Variants in PRKG1 observed in about 807,000 individuals in gnomAD.
PRKG1 encodes protein kinase cGMP-dependent 1, also known as cGMP-dependent protein kinase 1.
A neutral mutation model predicts 88.1 loss-of-function variants in PRKG1; 35 were observed. That is an observed-to-expected ratio of 0.40 (90% CI 0.30 to 0.53). The LOEUF (loss-of-function observed/expected upper bound fraction) is 0.53, where lower values mean the gene tolerates loss of function less well. Among genes scored for constraint, PRKG1 ranks in the 20% least tolerant of loss-of-function variants. PRKG1 has a pLI of 0.59. For synonymous variants in PRKG1, 303 were observed against 292.5 expected, an observed-to-expected ratio of 1.04 and a Z score of -0.37; for missense variants, 540 against 839.8, an observed-to-expected ratio of 0.64 and a Z score of 4.41.
chr10:52,087,180 C>A lies in PRKG1; in HGVS notation c.935+24549C>A, dbSNP rs543130450. On this transcript the variant is annotated intron_variant, in intron 7 of 17. Coordinates refer to ENST00000373980, the MANE Select transcript of PRKG1 (RefSeq NM_006258.4). ...CAGCAACGTATGAGGGGATTTGTTC[C>A]GTAAAGCCTTGCAAATAGGGTATCT... Among the ~76,000 whole-genome samples, 6 of 152,224 alleles carry A rather than the reference C, an allele frequency of 3.9e-5. No individual in the cohort carries two copies. In the South Asian group the frequency reaches 1.2e-3, roughly 32 times the overall value.
intron 5 of PRKG1, among the ~76,000 whole-genome samples, chr10:51,971,602 GTAAT>G (rs1488096816): frequency 2.6e-5 from 4 of 152,010 alleles, no homozygotes; most frequent in Non-Finnish European, 5.9e-5. Flanking sequence ...AGCTATATGA[GTAAT>G]TACTTCAGTC....
intron 10 of PRKG1, among the ~76,000 whole-genome samples, chr10:52,267,306 C>T (rs1016402726): frequency 1.3e-5 from 2 of 151,876 alleles, no homozygotes; most frequent in Non-Finnish European, 2.9e-5. Flanking sequence ...TGGTTCAGCC[C>T]CAGACCTCAA....
At chr10:52,079,001 G>A (rs4935027) in intron 7 of PRKG1, among the ~76,000 whole-genome samples, 62,930 of 152,058 alleles carry the variant, frequency 0.41, 13,760 homozygotes, top group East Asian at 0.62. Context: ...TGGGAGAATA[G>A]CCTCTACTGG....
chr10:51,345,229 G>A (rs1175853593), intron 2 of PRKG1, among the ~76,000 whole-genome samples: 2 of 152,030 alleles, frequency 1.3e-5, no homozygotes, highest in Non-Finnish European at 2.9e-5. Context: ...CAAATTCTTT[G>A]CTGATGAGAA....
At chr10:51,424,557 T>A (rs1025674349) in intron 2 of PRKG1, among the ~76,000 whole-genome samples, 1 of 152,174 alleles carries the variant, frequency 6.6e-6, no homozygotes, top group African/African-American at 2.4e-5. Context: ...ATTATATCCA[T>A]GTGATCATGT....
At chr10:52,291,880 G>C (rs1009181225) in intron 17 of PRKG1, among the ~76,000 whole-genome samples, 3 of 152,068 alleles carry the variant, frequency 2.0e-5, no homozygotes, top group African/African-American at 7.2e-5. Flanking sequence ...CAGTGTAAAA[G>C]TGTTCCTATT....
intron 4 of PRKG1, among the ~76,000 whole-genome samples, chr10:51,897,652 G>A (rs1311739969): frequency 6.6e-6 from 1 of 152,050 alleles, no homozygotes; most frequent in Non-Finnish European, 1.5e-5. Flanking sequence ...AGCCATCCTT[G>A]TCTCTTCTCT....
chr10:51,130,124 G>A (rs1444315715), intron 1 of PRKG1, among the ~76,000 whole-genome samples: 1 of 152,126 alleles, frequency 6.6e-6, no homozygotes, highest in African/African-American at 2.4e-5. Context: ...AGTAAATCAG[G>A]GCTTTAGTTA....
chr10:51,532,173 T>C (rs1262873094), intron 3 of PRKG1, among the ~76,000 whole-genome samples: 1 of 152,196 alleles, frequency 6.6e-6, no homozygotes, highest in Non-Finnish European at 1.5e-5. Context: ...TTCAACTGGT[T>C]GACAGCTCTT....
At position 51,181,811 on chromosome 10, in the gene PRKG1, G is replaced by A. The variant is rs368140670; in HGVS notation, c.478+28481G>A. 8.5e-5 allele frequency among the ~76,000 whole-genome samples: 13 copies of A among 152,296 alleles called. No individual in the cohort carries two copies. The East Asian group carries it at 2.3e-3, about 27-fold the overall frequency. ...TCTATTAAAGGAGAATTCGACACAG[G>A]TCTGCATGACCATGGAGCTTGTTCT... is the stretch of plus-strand genomic sequence containing the variant. On this transcript the variant is annotated intron_variant, in intron 2 of 17. Transcript: ENST00000373980.
chr10:51,197,749 G>GT (rs1003276617), intron 2 of PRKG1, among the ~76,000 whole-genome samples: 4 of 151,078 alleles, frequency 2.6e-5, no homozygotes, highest in South Asian at 2.1e-4. Context: ...AATAAGGTGT[G>GT]TTTTTTTTCA....
chr10:51,676,095 C>T (rs936254351), intron 3 of PRKG1, among the ~76,000 whole-genome samples: 11 of 150,942 alleles, frequency 7.3e-5, no homozygotes, highest in South Asian at 6.3e-4. Context: ...AATAGTGAGA[C>T]TTATTTCTAT....
intron 3 of PRKG1, among the ~76,000 whole-genome samples, chr10:51,728,260 T>C (rs543905466): frequency 6.6e-6 from 1 of 152,210 alleles, no homozygotes; most frequent in Admixed American, 6.5e-5. Flanking sequence ...TTTGCAACTG[T>C]ACTAAGATAT....
chr10:51,868,955 A>G (rs1053099273), intron 4 of PRKG1, among the ~76,000 whole-genome samples: 1 of 152,232 alleles, frequency 6.6e-6, no homozygotes, highest in Non-Finnish European at 1.5e-5. Flanking sequence ...TCTAATTTAA[A>G]TGTGCTTAGG....
chr10:51,708,970 C>T (rs2132428632), intron 3 of PRKG1, among the ~76,000 whole-genome samples: 1 of 152,246 alleles, frequency 6.6e-6, no homozygotes, highest in East Asian at 1.9e-4. Flanking sequence ...CTTTGGTGAC[C>T]TACTCTTATG....
At chr10:51,826,109 G>A (rs1346038547) in intron 4 of PRKG1, among the ~76,000 whole-genome samples, 1 of 152,048 alleles carries the variant, frequency 6.6e-6, no homozygotes, top group Non-Finnish European at 1.5e-5. Context: ...TTCTCAGATG[G>A]CTTTACTAGA....
intron 4 of PRKG1, among the ~76,000 whole-genome samples, chr10:51,812,230 G>A (rs190627140): frequency 6.6e-6 from 1 of 152,210 alleles, no homozygotes; most frequent in South Asian, 2.1e-4. Context: ...ACAAACTCTT[G>A]GGAAAGCATT....
chr10:51,846,453 A>G (rs1840400698), intron 4 of PRKG1, among the ~76,000 whole-genome samples: 1 of 152,172 alleles, frequency 6.6e-6, no homozygotes, highest in African/African-American at 2.4e-5. Flanking sequence ...CAAAGAAATA[A>G]AAGAAAATGG....
At position 51,468,010 on chromosome 10, in the gene PRKG1, A is replaced by C. The variant is rs190288401; in HGVS notation, c.592+174A>C. ...TTTCCTACTAAAGGTGATTGTTAAC[A>C]ATCAGTTTTGTATAATTACATTTTC... On this transcript the variant is annotated intron_variant, in intron 3 of 17. Transcript: ENST00000373980. 2.1e-3 allele frequency: 1,200 copies of C among 583,432 alleles called. 11 individuals are homozygous for C. The highest frequency in any genetic ancestry group is 0.018 in the African/African-American group (940 of 53,650). 36.1% of individuals were successfully genotyped at this position (583,432 alleles called of 1,614,324 possible).
Sources: gnomAD v4.1 joint callset for allele counts (sites outside exome capture counted in the v4.1 genomes callset) on GRCh38, gnomAD v4.1.1 for gene constraint, MANE v1.5 for transcripts, NCBI Gene and HGNC (gene_info 2026-07-23, HGNC 2026-07-21) for gene names.